Variants in HERC3 observed in about 807,000 individuals in gnomAD.
The protein encoded by HERC3 is probable E3 ubiquitin-protein ligase HERC3.
In HERC3, 58 loss-of-function variants were observed where a neutral mutation model predicts 129.9. The observed-to-expected ratio is 0.45, with a 90% CI of 0.36 to 0.56. The LOEUF (loss-of-function observed/expected upper bound fraction) is 0.56. Ranked by LOEUF, HERC3 falls within the 20% of genes least tolerant of loss-of-function variation. HERC3 has a pLI of 0.00. For synonymous variants in HERC3, 430 were observed against 451.0 expected (o/e 0.95, Z 0.59); for missense variants, 835 against 1,244.2 (o/e 0.67, Z 4.95).
chr4:88,662,800 T>A (rs1007285569), intron 11 of HERC3, among the ~76,000 whole-genome samples: 1 of 152,100 alleles, frequency 6.6e-6, no homozygotes, highest in Non-Finnish European at 1.5e-5. Context: ...TATTGTATGA[T>A]CTTAAAAATC....
chr4:88,573,905 AT>A, the HERC3 span, among the ~76,000 whole-genome samples: 22 of 152,342 alleles, frequency 1.4e-4, no homozygotes, highest in Non-Finnish European at 2.1e-4. Context: ...CAACTGAAAA[AT>A]AAATACACCC....
At chr4:88,614,534 CT>C (rs1437472202) in intron 3 of HERC3, among the ~76,000 whole-genome samples, 1 of 152,004 alleles carries the variant, frequency 6.6e-6, no homozygotes, top group African/African-American at 2.4e-5. Flanking sequence ...GATCAAGGTA[CT>C]TTGGTAAAAG....
chr4:88,703,039 G>A (rs1308402503), intron 23 of HERC3, among the ~76,000 whole-genome samples: 1 of 152,180 alleles, frequency 6.6e-6, no homozygotes, highest in African/African-American at 2.4e-5. Flanking sequence ...CATCTGTCTC[G>A]ATAACTTCTG....
chr4:88,578,730 T>C, the HERC3 span, among the ~76,000 whole-genome samples: 1 of 152,204 alleles, frequency 6.6e-6, no homozygotes, highest in Non-Finnish European at 1.5e-5. Context: ...TGTTATCTCT[T>C]TGAACCCTCA....
intron 3 of HERC3, among the ~76,000 whole-genome samples, chr4:88,611,939 G>C (rs1167561788): frequency 6.6e-6 from 1 of 152,200 alleles, no homozygotes; most frequent in Admixed American, 6.5e-5. Context: ...TTCCTGAGGG[G>C]AAGGAAAGTT....
chr4:88,633,476 A>G (rs1727000084), intron 3 of HERC3, among the ~76,000 whole-genome samples: 1 of 152,216 alleles, frequency 6.6e-6, no homozygotes, highest in Non-Finnish European at 1.5e-5. Flanking sequence ...TGTTGATTCT[A>G]AGTAAGCTCT....
chr4:88,600,195 T>C (rs139243061), intron 2 of HERC3, among the ~76,000 whole-genome samples: 3 of 152,290 alleles, frequency 2.0e-5, no homozygotes, highest in Non-Finnish European at 4.4e-5. Context: ...TTCTTTTTAT[T>C]GCAAGTGAAA....
chr4:88,537,627 T>C, the HERC3 span, among the ~76,000 whole-genome samples: 4 of 152,342 alleles, frequency 2.6e-5, no homozygotes, highest in East Asian at 7.7e-4. Context: ...GATGAGGTTA[T>C]ATTGAAGGCT....
At chr4:88,693,489 C>T (rs1242617553) in intron 23 of HERC3, 1 of 972,756 alleles carries the variant, frequency 1.0e-6, no homozygotes, top group African/African-American at 1.8e-5. Context: ...ATAGTCTACA[C>T]AGTATTGATC....
chr4:88,547,414 T>G, the HERC3 span, among the ~76,000 whole-genome samples: 1 of 152,210 alleles, frequency 6.6e-6, no homozygotes. Context: ...TGGTTTTTAG[T>G]ATATTCGGAG....
At chr4:88,590,091 A>G (rs1721623626), upstream of HERC3, among the ~76,000 whole-genome samples, 1 of 151,016 alleles carries the variant, frequency 6.6e-6, no homozygotes, top group African/African-American at 2.4e-5. Context: ...AACATGGTGA[A>G]ATCCCGCCTC....
chr4:88,543,708 G>T, the HERC3 span, among the ~76,000 whole-genome samples: 1 of 152,116 alleles, frequency 6.6e-6, no homozygotes, highest in African/African-American at 2.4e-5. Context: ...CATGGTACTG[G>T]CACCAAAACA....
intron 23 of HERC3, among the ~76,000 whole-genome samples, chr4:88,697,982 A>G (rs557317396): frequency 6.6e-6 from 1 of 152,134 alleles, no homozygotes; most frequent in Non-Finnish European, 1.5e-5. Flanking sequence ...CTACCCTGAC[A>G]TCTTCTGGGC....
At chr4:88,647,811 T>G (rs982306018) in intron 3 of HERC3, among the ~76,000 whole-genome samples, 2 of 151,040 alleles carry the variant, frequency 1.3e-5, no homozygotes, top group African/African-American at 4.8e-5. Flanking sequence ...TCTTTAGCTT[T>G]TTTTTTTTTT....
the HERC3 span, among the ~76,000 whole-genome samples, chr4:88,545,020 T>C: frequency 1.3e-5 from 2 of 152,138 alleles, no homozygotes; most frequent in African/African-American, 4.8e-5. Flanking sequence ...CTGCATGTTG[T>C]GCACACGTAC....
At chr4:88,688,280 G>C (rs1304140584) in intron 23 of HERC3, among the ~76,000 whole-genome samples, 1 of 152,204 alleles carries the variant, frequency 6.6e-6, no homozygotes, top group African/African-American at 2.4e-5. Context: ...CGGATGAAGG[G>C]AGACTATAGT....
Position 88,662,562 on chromosome 4 carries a change from G to C in HERC3, c.1271+7G>C. Reference sequence around the variant, plus strand: ...ACAATGCAAATACAATCAAGTATGTGGCTGCTTGTCTTCATTTTTTTTTCC... The same window carrying C: ...ACAATGCAAATACAATCAAGTATGTCGCTGCTTGTCTTCATTTTTTTTTCC... On this transcript the variant is annotated splice_region_variant and intron_variant, in intron 11 of 25. Transcript: ENST00000402738. 1 of 1,593,222 alleles carries C rather than the reference G, an allele frequency of 6.3e-7. No homozygotes were observed. Among genetic ancestry groups the C allele is most frequent in the South Asian group, 1.2e-5 (1 of 86,368 alleles).
chr4:88,702,097 CA>C (rs1578354943), intron 23 of HERC3, among the ~76,000 whole-genome samples: 1 of 152,138 alleles, frequency 6.6e-6, no homozygotes, highest in East Asian at 1.9e-4. Context: ...CCTGGCTAGA[CA>C]AAGATCTTTT....
chr4:88,555,713 A>G, the HERC3 span, among the ~76,000 whole-genome samples: 1 of 152,224 alleles, frequency 6.6e-6, no homozygotes, highest in Non-Finnish European at 1.5e-5. Flanking sequence ...TTTACTTACT[A>G]TTTTGTATGA....
Sources: gnomAD v4.1 joint callset for allele counts (sites outside exome capture counted in the v4.1 genomes callset) on GRCh38, gnomAD v4.1.1 for gene constraint, MANE v1.5 for transcripts, NCBI Gene and HGNC (gene_info 2026-07-23, HGNC 2026-07-21) for gene names.